Variants in NEUROD1 observed in about 807,000 individuals in gnomAD.
The protein encoded by NEUROD1 is neuronal differentiation 1.
A neutral mutation model predicts 21.8 loss-of-function variants in NEUROD1; 9 were observed. The observed-to-expected ratio is 0.41, with a 90% confidence interval of 0.25 to 0.72. The LOEUF (loss-of-function observed/expected upper bound fraction) is 0.72. Among genes scored for constraint, NEUROD1 ranks in the 30% least tolerant of loss-of-function variants. The pLI, the probability that NEUROD1 is intolerant of heterozygous loss-of-function variation, is 0.31. For missense variants in NEUROD1, 434 were observed against 468.8 expected (o/e 0.93, Z 0.69); for synonymous variants, 199 against 186.2 (o/e 1.07, Z -0.56).
At position 181,676,512 on chromosome 2, in the gene NEUROD1, AT is replaced by A. The variant is rs1340541222; in HGVS notation, c.*1277del. Reference sequence around the variant, plus strand: ...TTGCAACTGGATGAATGTTTTCTAAATTGTGCATTACACCATAATATACAGG... The same window carrying A: ...TTGCAACTGGATGAATGTTTTCTAAATGTGCATTACACCATAATATACAGG... On this transcript the variant is annotated 3_prime_UTR_variant, in exon 2 of 2. Coordinates refer to ENST00000295108, the MANE Select transcript of NEUROD1 (RefSeq NM_002500.5). The A allele has an allele frequency of 2.0e-5, 3 of 152,668 alleles. No homozygotes were observed. Among genetic ancestry groups the A allele is most frequent in the Non-Finnish European group, 4.4e-5 (3 of 68,026 alleles). The allele number at this position is 152,668 out of a possible 1,614,324, so 9.5% of individuals were successfully genotyped here.
At chr2:181,669,191 G>A (rs1688462686), downstream of NEUROD1, among the ~76,000 whole-genome samples, 1 of 151,994 alleles carries the variant, frequency 6.6e-6, no homozygotes, top group Non-Finnish European at 1.5e-5. Flanking sequence ...CAAAATCAAA[G>A]CCTCTCTTGT....
rs1688610265 is a variant in NEUROD1 at position 181,677,863 on chromosome 2, A to T, written c.998T>A (p.Ile333Asn). 1 of 1,614,052 alleles carries T rather than the reference A, an allele frequency of 6.2e-7. No individual in the cohort carries two copies. ...APRCEIPIDNIMSFDSHSHHE... is the reference protein window; with the variant it reads ...APRCEIPIDNNMSFDSHSHHE... ...ATGTGAATGGCTATCGAAGGACATA[A>T]TATTGTCTATGGGGATCTCGCAGCG... The change falls in exon 2 of 2, where the codon ATT becomes AAT. Residue 333 changes from isoleucine (I) to asparagine (N), a missense_variant. Transcript: ENST00000295108.
rs372028021 is a variant in NEUROD1 at position 181,678,880 on chromosome 2, A to G, written c.-11-9T>C. ...GGTCATGTTTCGATTTCCTACATTC[A>G]ACAAGGGAGAGGCAAACAGAAAGAA... On this transcript the variant is annotated splice_polypyrimidine_tract_variant and intron_variant, in intron 1 of 1. Transcript: ENST00000295108. This position sits in a 1 kb window ranked among gnomAD's most constrained non-coding sequence, Gnocchi z 5.5. 3.7e-6 allele frequency: 6 copies of G among 1,612,952 alleles called. No individual in the cohort carries two copies. The African/African-American group carries it at 8.0e-5, about 21-fold the overall frequency.
At chr2:181,675,474 G>T (rs765207343), downstream of NEUROD1, among the ~76,000 whole-genome samples, 3 of 152,142 alleles carry the variant, frequency 2.0e-5, no homozygotes, top group Non-Finnish European at 4.4e-5. Flanking sequence ...AAAGGAACAA[G>T]CTTGGGAAGG....
chr2:181,673,561 T>C (rs1375243267), downstream of NEUROD1: 1 of 152,226 alleles, frequency 6.6e-6, no homozygotes, highest in African/African-American at 2.4e-5. Flanking sequence ...GAATTAAATA[T>C]TTTATTTAGA....
rs1278427556 is a variant in NEUROD1, at chr2:181,678,854, T to C, written c.7A>G (p.Lys3Glu). Residue 3 changes from lysine (K) to glutamate (E), a missense_variant, in exon 2 of 2, where the codon AAA (lysine) becomes GAA (glutamate). Transcript: ENST00000295108. This position sits in a 1 kb window ranked among gnomAD's most constrained non-coding sequence, Gnocchi z 5.5. ...ATCAGCCCACTCTCGCTGTACGATT[T>C]GGTCATGTTTCGATTTCCTACATTC... MT[K>E]SYSESGLMGE... 6.2e-7 allele frequency: 1 copy of C among 1,613,770 alleles called. No individual in the cohort carries two copies. The highest frequency in any genetic ancestry group is 8.5e-7 in the Non-Finnish European group (1 of 1,180,052).
chr2:181,669,703 TGAAAAA>T (rs901936412), downstream of NEUROD1, among the ~76,000 whole-genome samples: 10 of 151,968 alleles, frequency 6.6e-5, no homozygotes, highest in Admixed American at 2.0e-4. Context: ...GGGCACAAAA[TGAAAAA>T]GAAAGCAAGC....
At position 181,677,826 on chromosome 2, in the gene NEUROD1, G is replaced by C. The variant is rs140129079; in HGVS notation, c.1035C>G (p.Val345=). Residue 345 remains valine, a synonymous_variant, in exon 2 of 2, where the codon GTC becomes GTG. Coordinates refer to ENST00000295108, the MANE Select transcript of NEUROD1 (RefSeq NM_002500.5). The stretch of plus-strand genomic sequence containing the variant: ...ATATGGCATTGAGCTGGGCACTCAT[G>C]ACTCGCTCATGATGTGAATGGCTAT... ...SFDSHSHHER[V]MSAQLNAIFH... The C allele has an allele frequency of 1.2e-6, 2 of 1,614,124 alleles. No individual in the cohort carries two copies. Among genetic ancestry groups the C allele is most frequent in the East Asian group, 4.5e-5 (2 of 44,878 alleles).
chr2:181,678,630 G>A lies in NEUROD1; in HGVS notation c.231C>T (p.Asp77=). 6.2e-7 allele frequency: 1 copy of A among 1,613,866 alleles called. No individual in the cohort carries two copies. Among genetic ancestry groups the A allele is most frequent in the Non-Finnish European group, 8.5e-7 (1 of 1,179,912 alleles). ...EEEEEEEEED[D]DQKPKRRGPK... is the part of the protein sequence containing the mutation. ...GGCCGCGTCTCTTGGGCTTTTGATC[G>A]TCATCCTCCTCTTCCTCTTCTTCCT... The change falls in exon 2 of 2, where the codon GAC becomes GAT. Residue 77 remains aspartate, a synonymous_variant. Transcript: ENST00000295108. The surrounding 1 kb of genome is among the most constrained non-coding windows in gnomAD (Gnocchi z 5.5).
chr2:181,668,722 C>G (rs1688454507), downstream of NEUROD1, among the ~76,000 whole-genome samples: 1 of 152,118 alleles, frequency 6.6e-6, no homozygotes, highest in Non-Finnish European at 1.5e-5. Flanking sequence ...ACTACCACTG[C>G]TAAGTATTGG....
At position 181,678,653 on chromosome 2, in the gene NEUROD1, C is replaced by G; in HGVS notation, c.208G>C (p.Glu70Gln). The G allele has an allele frequency of 2.5e-6, 4 of 1,613,338 alleles. No homozygotes were observed. Among genetic ancestry groups the G allele is most frequent in the Non-Finnish European group, 3.4e-6 (4 of 1,179,640 alleles). Residue 70 changes from glutamate to glutamine, a missense_variant, in exon 2 of 2, where the codon GAA (glutamate) becomes CAA (glutamine). By Grantham distance (29) the Glu-to-Gln change is conservative (BLOSUM62 2). Transcript: ENST00000295108. This position sits in a 1 kb window ranked among gnomAD's most constrained non-coding sequence, Gnocchi z 5.5. Reference sequence around the variant, plus strand: ...TCGTCATCCTCCTCTTCCTCTTCTTCCTCCTCTTCCAGGTCCTCATCTTCG... The same window carrying G: ...TCGTCATCCTCCTCTTCCTCTTCTTGCTCCTCTTCCAGGTCCTCATCTTCG... ...EDEDEDLEEE[E>Q]EEEEEDDDQK...
Position 181,678,006 on chromosome 2 carries a change from G to C in NEUROD1, c.855C>G (p.Phe285Leu). The part of the protein sequence containing the change: ...PPLSINGNFS[F>L]KHEPSAEFEK... ...CAAACTCGGCGGACGGTTCGTGTTT[G>C]AAAGAGAAGTTGCCATTGATGCTGA... The change falls in exon 2 of 2, where the codon TTC becomes TTG. Residue 285 changes from phenylalanine to leucine, a missense_variant. Physicochemically the swap from Phe to Leu is conservative, Grantham distance 22. Transcript: ENST00000295108. This position sits in a 1 kb window ranked among gnomAD's most constrained non-coding sequence, Gnocchi z 5.5. 1 of 1,614,236 alleles carries C rather than the reference G, an allele frequency of 6.2e-7. No individual in the cohort carries two copies. Among genetic ancestry groups the C allele is most frequent in the African/African-American group, 1.3e-5 (1 of 75,056 alleles).
rs747715154 is a variant in NEUROD1 at position 181,677,999 on chromosome 2, C to T, written c.862G>A (p.Glu288Lys). 3.7e-6 allele frequency: 6 copies of T among 1,614,076 alleles called. No homozygotes were observed. Among genetic ancestry groups the T allele is most frequent in the Non-Finnish European group, 5.1e-6 (6 of 1,180,026 alleles). ...SINGNFSFKH[E>K]PSAEFEKNYA... is the part of the protein sequence containing the mutation. ...TTTTTCTCAAACTCGGCGGACGGTTCGTGTTTGAAAGAGAAGTTGCCATTG... is the reference window on the plus strand; with the variant it reads ...TTTTTCTCAAACTCGGCGGACGGTTTGTGTTTGAAAGAGAAGTTGCCATTG... The change falls in exon 2 of 2, where the codon GAA becomes AAA. Residue 288 changes from glutamate (E) to lysine (K), a missense_variant. By Grantham distance (56) the Glu-to-Lys change is moderately conservative (BLOSUM62 1). Coordinates refer to ENST00000295108, the MANE Select transcript of NEUROD1 (RefSeq NM_002500.5).
chr2:181,676,169 T>G (rs112011111), downstream of NEUROD1, among the ~76,000 whole-genome samples: 1 of 152,048 alleles, frequency 6.6e-6, no homozygotes, highest in Non-Finnish European at 1.5e-5. Context: ...TTTTTAAAAA[T>G]GGAAATAAAA....
rs1284904822 is a variant in NEUROD1 at position 181,678,020 on chromosome 2, C to A, written c.841G>T (p.Gly281Cys). 3.1e-6 allele frequency: 5 copies of A among 1,614,056 alleles called. No homozygotes were observed. Among genetic ancestry groups the A allele is most frequent in the Non-Finnish European group, 3.4e-6 (4 of 1,180,032 alleles). The part of the protein sequence containing the change: ...GPLSPPLSIN[G>C]NFSFKHEPSA... The stretch of plus-strand genomic sequence containing the variant: ...GGTTCGTGTTTGAAAGAGAAGTTGC[C>A]ATTGATGCTGAGCGGCGGGCTGAGG... The change falls in exon 2 of 2, where the codon GGC becomes TGC. Residue 281 changes from glycine (G) to cysteine (C), a missense_variant. Transcript: ENST00000295108. The surrounding 1 kb of genome is among the most constrained non-coding windows in gnomAD (Gnocchi z 5.5).
At chr2:181,671,209 A>T (rs2105587160) in exon 2 of NEUROD1, among the ~76,000 whole-genome samples, 1 of 152,280 alleles carries the variant, frequency 6.6e-6, no homozygotes, top group African/African-American at 2.4e-5. Context: ...AAGAATCATT[A>T]ATTTATTTAT....
At chr2:181,675,432 G>A (rs895221733), downstream of NEUROD1, among the ~76,000 whole-genome samples, 1 of 152,098 alleles carries the variant, frequency 6.6e-6, no homozygotes, top group African/African-American at 2.4e-5. Context: ...TCAGCTTTCT[G>A]GAACCCCTAA....
In NEUROD1 at chr2:181,678,137, C is replaced by G. The variant is rs786205158; in HGVS notation, c.724G>C (p.Val242Leu). Residue 242 changes from valine (V) to leucine (L), a missense_variant, in exon 2 of 2, where the codon GTT becomes CTT. Physicochemically the swap from Val to Leu is conservative, Grantham distance 32. Transcript: ENST00000295108. The surrounding 1 kb of genome is among the most constrained non-coding windows in gnomAD (Gnocchi z 5.5). Reference protein sequence around the residue: ...GTMDSSHVFHVKPPPHAYSAA... With the variant: ...GTMDSSHVFHLKPPPHAYSAA... ...CTGTAGGCGTGCGGCGGAGGCTTAA[C>G]GTGGAAGACATGGGAGCTGTCCATG... is the stretch of plus-strand genomic sequence containing the variant. 2.5e-6 allele frequency: 4 copies of G among 1,614,016 alleles called. No individual in the cohort carries two copies. The highest frequency in any genetic ancestry group is 2.2e-5 in the East Asian group (1 of 44,886).
Position 181,677,564 on chromosome 2 carries a change from T to A in NEUROD1, c.*226A>T. 1.5e-6 allele frequency: 1 copy of A among 688,448 alleles called. No individual in the cohort carries two copies. The highest frequency in any genetic ancestry group is 2.3e-6 in the Non-Finnish European group (1 of 435,704). 42.6% of individuals were successfully genotyped at this position (688,448 alleles called of 1,614,324 possible). ...TTTTTTAAACTTTACTGTATTTTTT[T>A]ATTTTTTAAATAGAAGAGCTATAGA... On this transcript the variant is annotated 3_prime_UTR_variant, in exon 2 of 2. Coordinates refer to ENST00000295108, the MANE Select transcript of NEUROD1 (RefSeq NM_002500.5).
Sources: gnomAD v4.1 joint callset for allele counts (sites outside exome capture counted in the v4.1 genomes callset) on GRCh38, gnomAD v4.1.1 for gene constraint, Gnocchi (gnomAD v3.1) non-coding constraint, MANE v1.5 for transcripts, NCBI Gene and HGNC (gene_info 2026-07-23, HGNC 2026-07-21) for gene names.